EEFSEC: variants seen among roughly 807,000 people sequenced by gnomAD.
The protein encoded by EEFSEC is selenocysteine-specific elongation factor.
A neutral mutation model predicts 42.1 loss-of-function variants in EEFSEC; 43 were observed. That is an observed-to-expected ratio of 1.02 (90% CI 0.80 to 1.32). EEFSEC has a LOEUF of 1.32. EEFSEC is among the 40% of genes most tolerant of loss of function. The pLI, the probability that EEFSEC is intolerant of heterozygous loss-of-function variation, is 0.00. For synonymous variants in EEFSEC, 354 were observed against 339.1 expected (o/e 1.04, Z -0.48); for missense variants, 745 against 803.6 (o/e 0.93, Z 0.88).
intron 1 of EEFSEC, among the ~76,000 whole-genome samples, chr3:128,203,700 A>G (rs2065665343): frequency 6.6e-6 from 1 of 152,242 alleles, no homozygotes. Context: ...CAACATGAGG[A>G]TATCTACATT....
At chr3:128,413,771 A>G in the EEFSEC span, among the ~76,000 whole-genome samples, 1 of 152,156 alleles carries the variant, frequency 6.6e-6, no homozygotes, top group African/African-American at 2.4e-5. Context: ...GTCATTCCAT[A>G]GACTCGGCCC....
At chr3:128,267,690 G>A (rs1375879815) in intron 4 of EEFSEC, among the ~76,000 whole-genome samples, 2 of 152,204 alleles carry the variant, frequency 1.3e-5, no homozygotes, top group Non-Finnish European at 2.9e-5. Context: ...TCACTGCTGA[G>A]AAAGCATACC....
At chr3:128,202,644 G>T (rs2065654947) in intron 1 of EEFSEC, among the ~76,000 whole-genome samples, 1 of 152,032 alleles carries the variant, frequency 6.6e-6, no homozygotes, top group South Asian at 2.1e-4. Flanking sequence ...TAACCTTTAT[G>T]TTCTTTTTCT....
At chr3:128,381,641 T>C (rs1418905603) in intron 6 of EEFSEC, among the ~76,000 whole-genome samples, 1 of 152,198 alleles carries the variant, frequency 6.6e-6, no homozygotes, top group African/African-American at 2.4e-5. Context: ...GCCTGCTTCC[T>C]GGAGCTTCCA....
chr3:128,373,419 A>G (rs760141426), intron 6 of EEFSEC, among the ~76,000 whole-genome samples: 16 of 152,172 alleles, frequency 1.1e-4, no homozygotes, highest in Non-Finnish European at 1.8e-4. Context: ...ACAGGTAACC[A>G]TTGGATTGCT....
chr3:128,287,581 GA>G (rs1456660760), intron 4 of EEFSEC, among the ~76,000 whole-genome samples: 3 of 152,364 alleles, frequency 2.0e-5, no homozygotes, highest in Admixed American at 1.3e-4. Context: ...TGTAGTTTGA[GA>G]AAACCCCAGA....
intron 6 of EEFSEC, among the ~76,000 whole-genome samples, chr3:128,361,752 T>C (rs2067528229): frequency 6.6e-6 from 1 of 152,168 alleles, no homozygotes. Flanking sequence ...AACATCTCCC[T>C]TCAAAGACCT....
At chr3:128,365,224 G>T (rs577149442) in intron 6 of EEFSEC, among the ~76,000 whole-genome samples, 1 of 152,352 alleles carries the variant, frequency 6.6e-6, no homozygotes, top group South Asian at 2.1e-4. Flanking sequence ...CCTGGGTGGG[G>T]AGGGGGCTCC....
At chr3:128,416,403 G>T in the EEFSEC span, among the ~76,000 whole-genome samples, 25 of 152,200 alleles carry the variant, frequency 1.6e-4, no homozygotes, top group African/African-American at 6.0e-4. Flanking sequence ...AGCTCCACAC[G>T]CAGTCTCCTC....
chr3:128,418,986 C>T, the EEFSEC span, among the ~76,000 whole-genome samples: 1 of 152,180 alleles, frequency 6.6e-6, no homozygotes, highest in Non-Finnish European at 1.5e-5. Flanking sequence ...TCTTCATCCC[C>T]ATACAAATTA....
chr3:128,259,663 C>T (rs1473512489), intron 2 of EEFSEC, among the ~76,000 whole-genome samples: 1 of 152,166 alleles, frequency 6.6e-6, no homozygotes, highest in Non-Finnish European at 1.5e-5. Flanking sequence ...TCTCTGTGCG[C>T]CACCAGCCTG....
chr3:128,379,451 A>C (rs1028350040), intron 6 of EEFSEC, among the ~76,000 whole-genome samples: 3 of 152,250 alleles, frequency 2.0e-5, no homozygotes, highest in Non-Finnish European at 4.4e-5. Flanking sequence ...AAAATAACAT[A>C]ATTAAAAGAA....
In EEFSEC at chr3:128,341,850, G is replaced by T; in HGVS notation, c.1404G>T (p.Lys468Asn). 1 of 1,613,874 alleles carries T rather than the reference G, an allele frequency of 6.2e-7. No homozygotes were observed. Among genetic ancestry groups the T allele is most frequent in the South Asian group, 1.1e-5 (1 of 91,084 alleles). ...NYADSFLPRLKVYKLKHKHGL... is the reference protein window; with the variant it reads ...NYADSFLPRLNVYKLKHKHGL... The stretch of plus-strand genomic sequence containing the variant: ...CCGACAGCTTCCTGCCCAGGCTGAA[G>T]GTGTACAAGCTGAAGCACAAGCATG... The change falls in exon 5 of 7, where the codon AAG becomes AAT. Residue 468 changes from lysine (K) to asparagine (N), a missense_variant. Physicochemically the swap from Lys to Asn is moderately conservative, Grantham distance 94. Coordinates refer to ENST00000254730, the MANE Select transcript of EEFSEC (RefSeq NM_021937.5).
At chr3:128,392,059 A>G (rs2067919654) in intron 6 of EEFSEC, among the ~76,000 whole-genome samples, 2 of 152,138 alleles carry the variant, frequency 1.3e-5, no homozygotes, top group African/African-American at 4.8e-5. Flanking sequence ...AGTTTGCAAG[A>G]GTGAGGTGGC....
intron 6 of EEFSEC, among the ~76,000 whole-genome samples, chr3:128,406,956 A>T (rs915399653): frequency 6.6e-6 from 1 of 152,124 alleles, no homozygotes; most frequent in Non-Finnish European, 1.5e-5. Flanking sequence ...CTCCAGAGAA[A>T]GGGCAGTTGC....
At chr3:128,406,818 C>CACACACA (rs2068119210) in intron 6 of EEFSEC, among the ~76,000 whole-genome samples, 1 of 151,670 alleles carries the variant, frequency 6.6e-6, no homozygotes, top group African/African-American at 2.4e-5. Flanking sequence ...GTCACACACA[C>CACACACA]ACACACAACA....
chr3:128,337,053 A>G (rs975666852), intron 4 of EEFSEC: 3 of 152,252 alleles, frequency 2.0e-5, no homozygotes, highest in East Asian at 3.8e-4. Flanking sequence ...TGGCTAGAAG[A>G]TAAATGACTA....
chr3:128,329,107 C>CCCA (rs991790491), intron 4 of EEFSEC, among the ~76,000 whole-genome samples: 3 of 152,172 alleles, frequency 2.0e-5, no homozygotes, highest in African/African-American at 7.2e-5. Flanking sequence ...CTGTCATGGA[C>CCCA]CCAAATGCCT....
intron 4 of EEFSEC, among the ~76,000 whole-genome samples, chr3:128,277,466 GT>G (rs1217295800): frequency 6.6e-6 from 1 of 152,024 alleles, no homozygotes; most frequent in African/African-American, 2.4e-5. Flanking sequence ...TTTTGTTTTT[GT>G]TTTTGTTTTT....
Sources: allele counts gnomAD v4.1 joint callset (sites outside exome capture counted in the v4.1 genomes callset), GRCh38; gene constraint gnomAD v4.1.1; transcripts MANE v1.5; gene names NCBI Gene and HGNC (gene_info 2026-07-23, HGNC 2026-07-21).